IPO11: variants seen among roughly 807,000 people sequenced by gnomAD.
The protein encoded by IPO11 is importin 11, also known as importin-11.
In IPO11, 66 loss-of-function variants were observed where a neutral mutation model predicts 143.2. That is an observed-to-expected ratio of 0.46 (90% CI 0.38 to 0.57). The LOEUF is 0.57. Among genes scored for constraint, IPO11 ranks in the 20% least tolerant of loss-of-function variants. The pLI, the probability that IPO11 is intolerant of heterozygous loss-of-function variation, is 0.00. For missense variants in IPO11, 1,026 were observed against 1,141.0 expected, an observed-to-expected ratio of 0.90 and a Z score of 1.45; for synonymous variants, 385 against 377.8, an observed-to-expected ratio of 1.02 and a Z score of -0.22.
Position 62,418,929 on chromosome 5 carries a change from G to A in IPO11, c.-7+6000G>A, listed in dbSNP as rs769071272. ...GCTGGGTCATAGAAGATACAGTCACGAGTTGCTTAAGGCTGGGATACATCC... is the reference window on the plus strand; with the variant it reads ...GCTGGGTCATAGAAGATACAGTCACAAGTTGCTTAAGGCTGGGATACATCC... On this transcript the variant is annotated intron_variant, in intron 1 of 29. Transcript: ENST00000325324. The A allele has an allele frequency of 2.4e-4, 352 of 1,461,576 alleles. 1 individual carries two copies. The highest frequency in any genetic ancestry group is 3.4e-4 in the Admixed American group (16 of 47,396). 90.5% of individuals were successfully genotyped at this position (1,461,576 alleles called of 1,614,324 possible).
At chr5:62,486,567 A>G (rs1006984426) in intron 12 of IPO11, among the ~76,000 whole-genome samples, 1 of 152,164 alleles carries the variant, frequency 6.6e-6, no homozygotes, top group African/African-American at 2.4e-5. Context: ...CCGTTACCAG[A>G]TGTGATGTTT....
At chr5:62,526,085 G>T in intron 20 of IPO11, 57 bp from the exon 21 acceptor site, 3 of 1,070,786 alleles carry the variant, frequency 2.8e-6, no homozygotes, top group South Asian at 1.4e-5. Context: ...GTAATTTTTT[G>T]GTGCGGGATG....
chr5:62,514,921 T>C (rs933826826), intron 19 of IPO11, among the ~76,000 whole-genome samples: 17 of 151,982 alleles, frequency 1.1e-4, no homozygotes, highest in African/African-American at 4.1e-4. Flanking sequence ...GCACTTCCCC[T>C]TTTTCATTGT....
chr5:62,504,556 C>T (rs1741478627), intron 16 of IPO11, 111 bp from the exon 17 acceptor site: 2 of 637,878 alleles, frequency 3.1e-6, no homozygotes, highest in South Asian at 3.9e-5. Flanking sequence ...GTCTGTGACT[C>T]TAATAATAAT....
chr5:62,608,259 T>C (rs1745801600), intron 29 of IPO11, among the ~76,000 whole-genome samples: 1 of 152,234 alleles, frequency 6.6e-6, no homozygotes, highest in Non-Finnish European at 1.5e-5. Flanking sequence ...TTTCCTTACT[T>C]TGTCCTCTTA....
chr5:62,584,184 A>G (rs181239778), intron 27 of IPO11, among the ~76,000 whole-genome samples: 2 of 152,284 alleles, frequency 1.3e-5, no homozygotes, highest in Admixed American at 1.3e-4. Flanking sequence ...TATTTCTGGG[A>G]TGTAAAACTG....
At chr5:62,495,619 C>T (rs901581229) in intron 16 of IPO11, among the ~76,000 whole-genome samples, 1 of 152,086 alleles carries the variant, frequency 6.6e-6, no homozygotes, top group Non-Finnish European at 1.5e-5. Flanking sequence ...GGACTATATG[C>T]ACCACAACGC....
At chr5:62,612,866 T>TAC (rs1321966549) in intron 29 of IPO11, among the ~76,000 whole-genome samples, 1 of 152,236 alleles carries the variant, frequency 6.6e-6, no homozygotes, top group Admixed American at 6.5e-5. Flanking sequence ...AGCGCTTCAG[T>TAC]AAACAACATC....
intron 29 of IPO11, among the ~76,000 whole-genome samples, chr5:62,609,973 A>G (rs1239556277): frequency 2.0e-5 from 3 of 152,180 alleles, no homozygotes; most frequent in African/African-American, 4.8e-5. Context: ...GCTGTTGGCG[A>G]TACTGTAATT....
chr5:62,413,231 A>T (rs1239246090), intron 1 of IPO11, among the ~76,000 whole-genome samples: 2 of 152,156 alleles, frequency 1.3e-5, no homozygotes, highest in East Asian at 3.8e-4. Context: ...GCGGTTGCGG[A>T]CCTGGGTGAT....
intron 8 of IPO11, among the ~76,000 whole-genome samples, chr5:62,475,755 G>C (rs1745935660): frequency 1.3e-5 from 2 of 152,200 alleles, no homozygotes. Context: ...AACCTCCACT[G>C]GCTTATCTTT....
intron 27 of IPO11, among the ~76,000 whole-genome samples, chr5:62,569,456 G>T (rs1476711335): frequency 6.6e-6 from 1 of 152,162 alleles, no homozygotes; most frequent in Non-Finnish European, 1.5e-5. Context: ...TTGGTCATTG[G>T]AGGGTTCTGT....
intron 7 of IPO11, 140 bp downstream of exon 7, chr5:62,470,448 T>C (rs1340110427): frequency 4.1e-6 from 3 of 735,906 alleles, no homozygotes; most frequent in Non-Finnish European, 6.9e-6. Context: ...TTCTGACTTT[T>C]AGACTTCTGG....
intron 29 of IPO11, among the ~76,000 whole-genome samples, chr5:62,604,690 A>G (rs898414261): frequency 6.6e-6 from 1 of 152,192 alleles, no homozygotes; most frequent in African/African-American, 2.4e-5. Flanking sequence ...TAAGTTACTT[A>G]CTACAGTAGA....
chr5:62,473,479 A>G (rs1745853038), intron 7 of IPO11, among the ~76,000 whole-genome samples: 2 of 152,298 alleles, frequency 1.3e-5, no homozygotes, highest in Middle Eastern at 3.4e-3. Flanking sequence ...TGTCTAAGGA[A>G]AATCTCAGAC....
At chr5:62,609,748 G>C (rs963846318) in intron 29 of IPO11, among the ~76,000 whole-genome samples, 1 of 152,200 alleles carries the variant, frequency 6.6e-6, no homozygotes, top group Non-Finnish European at 1.5e-5. Context: ...GAGGTGATGG[G>C]CACTTCATTA....
intron 27 of IPO11, chr5:62,580,354 A>C: frequency 6.5e-7 from 1 of 1,544,690 alleles, no homozygotes; most frequent in Non-Finnish European, 8.8e-7. Flanking sequence ...AATTTACCTT[A>C]AGTTAGATAG....
chr5:62,435,142 A>ATGTATATATATG (rs1744152161), intron 1 of IPO11, among the ~76,000 whole-genome samples: 1 of 60,044 alleles, frequency 1.7e-5, no homozygotes, highest in African/African-American at 7.6e-5. Flanking sequence ...ATATGTATAT[A>ATGTATATATATG]TGTATATATG....
intron 3 of IPO11, among the ~76,000 whole-genome samples, chr5:62,447,521 A>G (rs1423358612): frequency 6.6e-6 from 1 of 151,590 alleles, no homozygotes. Flanking sequence ...ATTCTTGTAC[A>G]AGGTGCTTAT....
Sources: gnomAD v4.1 joint callset for allele counts (sites outside exome capture counted in the v4.1 genomes callset) on GRCh38, gnomAD v4.1.1 for gene constraint, MANE v1.5 for transcripts, NCBI Gene and HGNC (gene_info 2026-07-23, HGNC 2026-07-21) for gene names.